The following ABCG1 variants were observed in gnomAD, a reference collection of about 807,000 sequenced individuals.
The protein encoded by ABCG1 is ATP binding cassette subfamily G member 1.
Under a neutral mutation model 69.2 loss-of-function variants are expected in ABCG1, and 29 were observed. That is an observed-to-expected ratio of 0.42 (90% CI 0.31 to 0.57). The LOEUF (loss-of-function observed/expected upper bound fraction) is 0.57. Among genes scored for constraint, ABCG1 ranks in the 20% least tolerant of loss-of-function variants. The pLI is 0.15. For missense variants in ABCG1, 718 were observed against 898.1 expected, an observed-to-expected ratio of 0.80 and a Z score of 2.56; for synonymous variants, 370 against 374.8, an observed-to-expected ratio of 0.99 and a Z score of 0.15.
intron 2 of ABCG1, among the ~76,000 whole-genome samples, chr21:42,210,567 C>T (rs995734523): frequency 1.3e-5 from 2 of 152,198 alleles, no homozygotes; most frequent in African/African-American, 4.8e-5. Context: ...TGATTCCATG[C>T]TAATGGAAGA....
chr21:42,273,202 C>G lies in ABCG1; in HGVS notation c.405-101C>G. ...GGCCAGTGGTTCAGCTGGGAAGATG[C>G]TGGGAGGCAAGCCCCCGTCTCTGGC... On this transcript the variant is annotated intron_variant, in intron 3 of 14. Coordinates refer to ENST00000398449, the MANE Select transcript of ABCG1 (RefSeq NM_016818.3). The surrounding 1 kb of genome is among the most constrained non-coding windows in gnomAD (Gnocchi z 5.3). The G allele has an allele frequency of 6.7e-7, 1 of 1,488,252 alleles. No individual in the cohort carries two copies. The highest frequency in any genetic ancestry group is 1.3e-5 in the South Asian group (1 of 76,996). The allele number at this position is 1,488,252 out of a possible 1,614,324, so 92.2% of individuals were successfully genotyped here.
intron 5 of ABCG1, among the ~76,000 whole-genome samples, chr21:42,281,361 G>A (rs1026173873): frequency 1.3e-5 from 2 of 152,336 alleles, no homozygotes; most frequent in Non-Finnish European, 2.9e-5. Flanking sequence ...AGGGATGGCA[G>A]TGGCTGACCC....
chr21:42,259,949 G>GTGT, intron 2 of ABCG1: 1 of 1,485,510 alleles, frequency 6.7e-7, no homozygotes, highest in Non-Finnish European at 9.0e-7. Flanking sequence ...TTGGACGGTG[G>GTGT]TGTTGGCTTG....
chr21:42,294,353 G>A (rs965999589), intron 13 of ABCG1, among the ~76,000 whole-genome samples, 189 bp from the exon 14 acceptor site: 4 of 152,140 alleles, frequency 2.6e-5, no homozygotes, highest in Non-Finnish European at 5.9e-5. Context: ...CAGGGCAGCC[G>A]GGGGGTCCTC....
intron 5 of ABCG1, among the ~76,000 whole-genome samples, chr21:42,279,403 C>T (rs1032285552): frequency 1.3e-5 from 2 of 152,146 alleles, no homozygotes; most frequent in East Asian, 3.9e-4. Context: ...CTTGCTAACA[C>T]GGAGAGGCCC....
rs567477765 is a variant in ABCG1 at position 42,287,729 on chromosome 21, G to C, written c.974-160G>C. 6.6e-6 allele frequency among the ~76,000 whole-genome samples: 1 copy of C among 152,262 alleles called. No individual in the cohort carries two copies. Among genetic ancestry groups the C allele is most frequent in the Non-Finnish European group, 1.5e-5 (1 of 68,048 alleles). On this transcript the variant is annotated intron_variant, in intron 8 of 14. Transcript: ENST00000398449. This position sits in a 1 kb window ranked among gnomAD's most constrained non-coding sequence, Gnocchi z 6.2. ...TTGCTGGGGGGTTTGAGAGCCGCAC[G>C]CTGGTTGATAAATGATTTTGACGTC... is the stretch of plus-strand genomic sequence containing the variant.
intron 13 of ABCG1, among the ~76,000 whole-genome samples, chr21:42,294,001 C>T (rs2069152535): frequency 6.6e-6 from 1 of 151,552 alleles, no homozygotes; most frequent in Non-Finnish European, 1.5e-5. Flanking sequence ...CACACACCCT[C>T]CTACCCCCGA....
intron 2 of ABCG1, among the ~76,000 whole-genome samples, chr21:42,243,789 T>G (rs574259659): frequency 6.6e-6 from 1 of 151,646 alleles, no homozygotes; most frequent in African/African-American, 2.4e-5. Context: ...TTCTTTCCTC[T>G]TCTGTAAGCC....
chr21:42,223,145 C>T lies in ABCG1; in HGVS notation c.43-2526C>T, dbSNP rs568673094. Among the ~76,000 whole-genome samples the T allele has an allele frequency of 1.9e-4, 29 of 152,326 alleles. No homozygotes were observed. The South Asian group carries it at 5.8e-3, about 30-fold the overall frequency. ...AAGCCCCCTACTCTCCTGCCCCGAC[C>T]CTACCAGCCCAAATCCACGCTCCAG... is the stretch of plus-strand genomic sequence containing the variant. On this transcript the variant is annotated intron_variant, in intron 1 of 14. Transcript: ENST00000398449.
chr21:42,286,016 T>C (rs1401335896), intron 8 of ABCG1, 22 bp downstream of exon 8: 1 of 1,537,412 alleles, frequency 6.5e-7, no homozygotes, highest in Admixed American at 1.7e-5. Context: ...CCTGAGCAGC[T>C]CGGGGGACAG....
intron 5 of ABCG1, among the ~76,000 whole-genome samples, chr21:42,281,900 T>G (rs1000007851): frequency 6.6e-6 from 1 of 152,228 alleles, no homozygotes; most frequent in Non-Finnish European, 1.5e-5. Flanking sequence ...AAGTATTGAC[T>G]GGACACCTTC....
In ABCG1 at chr21:42,219,755, G is replaced by A. The variant is rs2067691187; in HGVS notation, c.42+451G>A. 4.4e-6 allele frequency: 6 copies of A among 1,353,828 alleles called. No homozygotes were observed. The highest frequency in any genetic ancestry group is 2.8e-5 in the East Asian group (1 of 35,798). 83.9% of individuals were successfully genotyped at this position (1,353,828 alleles called of 1,614,324 possible). ...GGCTTGGGGACCGGGGACTTCTCGCGCCATCCCCAGGAACGCCAGGCAAGG... is the reference window on the plus strand; with the variant it reads ...GGCTTGGGGACCGGGGACTTCTCGCACCATCCCCAGGAACGCCAGGCAAGG... On this transcript the variant is annotated intron_variant, in intron 1 of 14. Coordinates refer to ENST00000398449, the MANE Select transcript of ABCG1 (RefSeq NM_016818.3). This position sits in a 1 kb window ranked among gnomAD's most constrained non-coding sequence, Gnocchi z 5.3.
intron 2 of ABCG1, among the ~76,000 whole-genome samples, chr21:42,260,555 C>A (rs2068390933): frequency 6.6e-6 from 1 of 152,188 alleles, no homozygotes; most frequent in South Asian, 2.1e-4. Flanking sequence ...CCCAGTGACC[C>A]CCTCCACCAA....
chr21:42,271,286 G>A (rs2068612989), intron 3 of ABCG1, 99 bp downstream of exon 3: 6 of 768,546 alleles, frequency 7.8e-6, no homozygotes, highest in Admixed American at 6.2e-5. Context: ...CCTGGAGCAG[G>A]CTGTGGTCTA....
intron 4 of ABCG1, among the ~76,000 whole-genome samples, chr21:42,275,281 G>A (rs952063984): frequency 6.6e-5 from 10 of 152,196 alleles, no homozygotes; most frequent in Non-Finnish European, 1.2e-4. Context: ...CTGGTCCTGC[G>A]TGTTCTGTGG....
chr21:42,215,080 G>T (rs2123480135), upstream of ABCG1, among the ~76,000 whole-genome samples: 1 of 152,338 alleles, frequency 6.6e-6, no homozygotes, highest in Middle Eastern at 3.4e-3. Flanking sequence ...ACCAGCCTCG[G>T]CCCAGGTGGA....
upstream of ABCG1, among the ~76,000 whole-genome samples, chr21:42,213,365 A>G (rs745830670): frequency 1.8e-4 from 28 of 152,228 alleles, no homozygotes; most frequent in Non-Finnish European, 3.7e-4. Context: ...GGCCATCTCC[A>G]TGGGTGTGTA....
chr21:42,199,966 A>C (rs1296877532), intron 1 of ABCG1: 3 of 152,268 alleles, frequency 2.0e-5, no homozygotes, highest in Non-Finnish European at 4.4e-5. Context: ...CTCCTAGTTC[A>C]GGCAGCAATC....
intron 3 of ABCG1, among the ~76,000 whole-genome samples, chr21:42,271,895 A>AAAC (rs531836839): frequency 8.9e-4 from 136 of 152,308 alleles, no homozygotes; most frequent in South Asian, 2.9e-3. Flanking sequence ...AAAAACACAC[A>AAAC]AACAACAACA....
Sources: gnomAD v4.1 joint callset for allele counts (sites outside exome capture counted in the v4.1 genomes callset) on GRCh38, gnomAD v4.1.1 for gene constraint, Gnocchi (gnomAD v3.1) non-coding constraint, MANE v1.5 for transcripts, NCBI Gene and HGNC (gene_info 2026-07-23, HGNC 2026-07-21) for gene names.